The following ZNF618 variants were observed in gnomAD, a reference collection of about 807,000 sequenced individuals.
ZNF618 encodes neural precursor cell expressed, developmentally down-regulated 10.
In ZNF618, 34 loss-of-function variants were observed where a neutral mutation model predicts 103.0. The ratio of observed to expected loss-of-function variants is 0.33; its 90% CI spans 0.25 to 0.44. The LOEUF is 0.44. Among genes scored for constraint, ZNF618 ranks in the 20% least tolerant of loss-of-function variants. The pLI, the probability that ZNF618 is intolerant of heterozygous loss-of-function variation, is 1.00. For missense variants in ZNF618, 1,059 were observed against 1,295.4 expected (o/e 0.82, Z 2.80); for synonymous variants, 551 against 542.2 (o/e 1.02, Z -0.23).
chr9:113,958,158 G>A (rs777646607), intron 1 of ZNF618, among the ~76,000 whole-genome samples: 12 of 152,170 alleles, frequency 7.9e-5, no homozygotes, highest in Non-Finnish European at 1.6e-4. Context: ...AAGGGGGCAA[G>A]TCACTCTCTC....
In ZNF618 at chr9:113,955,308, C is replaced by T. The variant is rs553702690; in HGVS notation, c.34-13809C>T. Among the ~76,000 whole-genome samples the T allele has an allele frequency of 5.3e-5, 8 of 149,826 alleles. No individual in the cohort carries two copies. The South Asian group carries it at 1.7e-3, about 32-fold the overall frequency. On this transcript the variant is annotated intron_variant, in intron 1 of 14. Transcript: ENST00000374126. The stretch of plus-strand genomic sequence containing the variant: ...CAAGGTACCAGATTTCCACACCCCA[C>T]CCCCACACTGCAAAGAAAACAGAAT...
intron 5 of ZNF618, 44 bp downstream of exon 5, chr9:114,002,117 C>T: frequency 1.3e-6 from 2 of 1,564,940 alleles, no homozygotes; most frequent in South Asian, 1.1e-5. Context: ...GCCGCACCTC[C>T]CACTGTCTGC....
chr9:113,887,623 G>T (rs1054382109), intron 1 of ZNF618, among the ~76,000 whole-genome samples: 1 of 152,156 alleles, frequency 6.6e-6, no homozygotes, highest in Non-Finnish European at 1.5e-5. Context: ...GGGAAGGAAG[G>T]CTGCTAGAAG....
intron 13 of ZNF618, among the ~76,000 whole-genome samples, chr9:114,037,643 A>G (rs879629345): frequency 3.9e-5 from 6 of 152,158 alleles, no homozygotes; most frequent in Non-Finnish European, 8.8e-5. Context: ...TTATTGTACA[A>G]ATCTTTCACA....
chr9:114,030,368 T>G (rs1278708168), intron 11 of ZNF618, among the ~76,000 whole-genome samples: 1 of 152,192 alleles, frequency 6.6e-6, no homozygotes, highest in Non-Finnish European at 1.5e-5. Flanking sequence ...GTCATCACGG[T>G]CTCATTGGTG....
At chr9:113,970,026 T>C (rs922831476) in intron 2 of ZNF618, among the ~76,000 whole-genome samples, 7 of 152,302 alleles carry the variant, frequency 4.6e-5, no homozygotes, top group African/African-American at 1.7e-4. Context: ...AAAATGTTAA[T>C]GGATTTTTTT....
At chr9:113,981,420 T>A (rs933621106) in intron 2 of ZNF618, among the ~76,000 whole-genome samples, 1 of 152,162 alleles carries the variant, frequency 6.6e-6, no homozygotes, top group Admixed American at 6.5e-5. Flanking sequence ...TGATCCCTGC[T>A]CACTCATTGT....
chr9:113,970,621 C>A (rs1467704140), intron 2 of ZNF618, among the ~76,000 whole-genome samples: 1 of 151,826 alleles, frequency 6.6e-6, no homozygotes, highest in Non-Finnish European at 1.5e-5. Flanking sequence ...AACTGCTGTT[C>A]CCTGTGTCTG....
At chr9:114,035,106 C>T (rs755249908) in intron 12 of ZNF618, 10 of 935,724 alleles carry the variant, frequency 1.1e-5, no homozygotes, top group Non-Finnish European at 1.3e-5. Context: ...CCATCTGGCT[C>T]ACTGGTTATT....
chr9:114,028,953 G>A lies in ZNF618; in HGVS notation c.1065G>A (p.Pro355=), dbSNP rs187064298. 5,819 of 1,550,562 alleles carry A rather than the reference G, an allele frequency of 3.8e-3. 15 individuals are homozygous for A. Among genetic ancestry groups the A allele is most frequent in the Non-Finnish European group, 4.2e-3 (4,845 of 1,147,008 alleles). The part of the protein sequence containing the change: ...QTFRTPNSGS[P]ASKATAAESA... ...TCCGCACTCCAAATTCGGGATCTCCGGCGAGCAAGGCAACCGCAGGTACCA... is the reference window on the plus strand; with the variant it reads ...TCCGCACTCCAAATTCGGGATCTCCAGCGAGCAAGGCAACCGCAGGTACCA... The change falls in exon 11 of 15, where the codon CCG becomes CCA. Residue 355 remains proline (P), a synonymous_variant. Transcript: ENST00000374126.
At chr9:114,032,889 G>A (rs998941088) in intron 12 of ZNF618, among the ~76,000 whole-genome samples, 161 bp downstream of exon 12, 5 of 152,276 alleles carry the variant, frequency 3.3e-5, no homozygotes, top group Middle Eastern at 3.4e-3. Flanking sequence ...AGACCACAGA[G>A]GCAGGAGGGG....
In ZNF618 at chr9:114,050,434, G is replaced by GCACA. The variant is rs200395252; in HGVS notation, c.*271_*274dup. On this transcript the variant is annotated 3_prime_UTR_variant, in exon 15 of 15. Coordinates refer to ENST00000374126, the MANE Select transcript of ZNF618 (RefSeq NM_001318042.2). ...TCATCTCCATGGCCAGAGAAACTTT[G>GCACA]CACACACGCACACACACACACACAC... is the stretch of plus-strand genomic sequence containing the variant. 86 of 316,760 alleles carry GCACA rather than the reference G, an allele frequency of 2.7e-4. 1 individual carries two copies. The South Asian group carries it at 3.5e-3, about 13-fold the overall frequency. 19.6% of individuals were successfully genotyped at this position (316,760 alleles called of 1,614,324 possible).
intron 1 of ZNF618, among the ~76,000 whole-genome samples, chr9:113,947,986 G>A (rs1835199909): frequency 6.6e-6 from 1 of 152,208 alleles, no homozygotes; most frequent in South Asian, 2.1e-4. Context: ...TCTTGACAAA[G>A]AGCATCAGAA....
At chr9:113,879,965 A>G (rs1212062646) in intron 1 of ZNF618, among the ~76,000 whole-genome samples, 2 of 152,116 alleles carry the variant, frequency 1.3e-5, no homozygotes, top group Admixed American at 6.5e-5. Context: ...TGGTCAGTAT[A>G]AGGCTGACCT....
At chr9:114,016,008 A>G in intron 9 of ZNF618, 1 of 1,089,092 alleles carries the variant, frequency 9.2e-7, no homozygotes, top group South Asian at 1.5e-5. Context: ...CCCTCCCCCA[A>G]GGGGGTAGAT....
At chr9:114,000,042 T>G (rs1006666739) in intron 4 of ZNF618, among the ~76,000 whole-genome samples, 3 of 152,146 alleles carry the variant, frequency 2.0e-5, no homozygotes, top group African/African-American at 7.2e-5. Flanking sequence ...AAATATGCAA[T>G]CTCATCTTTG....
intron 1 of ZNF618, among the ~76,000 whole-genome samples, chr9:113,895,013 T>A (rs990934480): frequency 1.3e-5 from 2 of 152,186 alleles, no homozygotes; most frequent in Admixed American, 6.5e-5. Context: ...TATTATCTTA[T>A]TTCTTTTCTT....
At chr9:113,917,338 C>T (rs1039309377) in intron 1 of ZNF618, among the ~76,000 whole-genome samples, 13 of 150,428 alleles carry the variant, frequency 8.6e-5, no homozygotes, top group East Asian at 2.0e-4. Context: ...CACTACCTCC[C>T]GGGCTCAACT....
intron 2 of ZNF618, among the ~76,000 whole-genome samples, chr9:113,982,582 T>C (rs918148280): frequency 6.6e-6 from 1 of 152,204 alleles, no homozygotes; most frequent in African/African-American, 2.4e-5. Flanking sequence ...TAAGGTCATA[T>C]GCACAGAATC....
Sources: gnomAD v4.1 joint callset for allele counts (sites outside exome capture counted in the v4.1 genomes callset) on GRCh38, gnomAD v4.1.1 for gene constraint, MANE v1.5 for transcripts, NCBI Gene and HGNC (gene_info 2026-07-23, HGNC 2026-07-21) for gene names.